TMEM178B: variants seen among roughly 807,000 people sequenced by gnomAD.
TMEM178B encodes the protein transmembrane protein 178B.
Under a neutral mutation model 31.0 loss-of-function variants are expected in TMEM178B, and 5 were observed. The observed-to-expected ratio is 0.16, with a 90% CI of 0.08 to 0.34. TMEM178B has a LOEUF of 0.34. Ranked by LOEUF, TMEM178B falls within the 10% of genes least tolerant of loss-of-function variation. The pLI is 1.00. For synonymous variants in TMEM178B, 164 were observed against 164.0 expected (o/e 1.00, Z 0.00); for missense variants, 275 against 400.3 (o/e 0.69, Z 2.67).
At chr7:141,243,400 C>T (rs1344226357) in intron 2 of TMEM178B, among the ~76,000 whole-genome samples, 1 of 152,062 alleles carries the variant, frequency 6.6e-6, no homozygotes, top group Non-Finnish European at 1.5e-5. Flanking sequence ...GTCAGCTCTG[C>T]TCTATGGGGT....
chr7:141,499,862 T>C, the TMEM178B span, among the ~76,000 whole-genome samples: 1 of 152,208 alleles, frequency 6.6e-6, no homozygotes, highest in African/African-American at 2.4e-5. Context: ...TTGGCAGAAA[T>C]CCACATGCAA....
At chr7:141,122,827 C>G (rs895145817) in intron 1 of TMEM178B, among the ~76,000 whole-genome samples, 2 of 152,154 alleles carry the variant, frequency 1.3e-5, no homozygotes, top group Non-Finnish European at 2.9e-5. Context: ...ACCATAATAG[C>G]TTGTTTGTTT....
Position 141,171,385 on chromosome 7 carries a change from A to T in TMEM178B, c.383-41206A>T, listed in dbSNP as rs144260616. Among the ~76,000 whole-genome samples, 3 of 152,350 alleles carry T rather than the reference A, an allele frequency of 2.0e-5. No homozygotes were observed. In the East Asian group the frequency reaches 5.8e-4, roughly 29 times the overall value. On this transcript the variant is annotated intron_variant, in intron 1 of 3. Transcript: ENST00000565468. This position sits in a 1 kb window ranked among gnomAD's most constrained non-coding sequence, Gnocchi z 4.3. ...ACTTTGTTTATATAACAATGCTATG[A>T]TGTAGGTACTTCTGTGAAATCGTTT...
At chr7:141,489,312 A>G in the TMEM178B span, among the ~76,000 whole-genome samples, 1 of 152,162 alleles carries the variant, frequency 6.6e-6, no homozygotes, top group African/African-American at 2.4e-5. Flanking sequence ...CTTGCCTTCA[A>G]GTGCATAACA....
At chr7:141,139,925 C>T (rs1211089844) in intron 1 of TMEM178B, among the ~76,000 whole-genome samples, 9 of 152,018 alleles carry the variant, frequency 5.9e-5, no homozygotes, top group African/African-American at 1.9e-4. Context: ...ACCACCACAC[C>T]CAGCTAATTT....
intron 2 of TMEM178B, among the ~76,000 whole-genome samples, chr7:141,347,960 C>G (rs987215899): frequency 6.6e-6 from 1 of 152,190 alleles, no homozygotes; most frequent in Non-Finnish European, 1.5e-5. Context: ...TAGAACCTTT[C>G]AAAACTTAAT....
chr7:141,434,139 A>G (rs1330853396), intron 2 of TMEM178B, among the ~76,000 whole-genome samples: 1 of 152,152 alleles, frequency 6.6e-6, no homozygotes, highest in East Asian at 1.9e-4. Flanking sequence ...TCATTCTCCA[A>G]CAACTCTCAC....
chr7:141,158,323 T>C (rs1796109384), intron 1 of TMEM178B, among the ~76,000 whole-genome samples: 2 of 152,298 alleles, frequency 1.3e-5, no homozygotes, highest in East Asian at 3.9e-4. Context: ...CTCGAACTCC[T>C]GACCTCAAGT....
intron 2 of TMEM178B, among the ~76,000 whole-genome samples, chr7:141,336,165 G>A (rs533306208): frequency 1.3e-5 from 2 of 152,180 alleles, no homozygotes; most frequent in East Asian, 1.9e-4. Flanking sequence ...TGGGCTACAC[G>A]ACTTTATTTG....
intron 1 of TMEM178B, among the ~76,000 whole-genome samples, chr7:141,181,045 G>A (rs1270283033): frequency 6.6e-6 from 1 of 152,060 alleles, no homozygotes; most frequent in Non-Finnish European, 1.5e-5. Flanking sequence ...TTCCTCATGT[G>A]CCAAGTATGA....
the TMEM178B span, among the ~76,000 whole-genome samples, chr7:141,505,865 C>G: frequency 2.6e-5 from 4 of 152,244 alleles, no homozygotes; most frequent in African/African-American, 9.6e-5. Context: ...TGAGATGGCC[C>G]TCAAGAGCTT....
At chr7:141,223,479 CTTTTT>C (rs10680431) in intron 2 of TMEM178B, among the ~76,000 whole-genome samples, 1 of 131,156 alleles carries the variant, frequency 7.6e-6, no homozygotes, top group Non-Finnish European at 1.6e-5. Flanking sequence ...TGTTTTCACT[CTTTTT>C]TTTTTTTTTT....
At chr7:141,216,117 C>T (rs1797140027) in intron 2 of TMEM178B, among the ~76,000 whole-genome samples, 1 of 152,026 alleles carries the variant, frequency 6.6e-6, no homozygotes, top group Non-Finnish European at 1.5e-5. Context: ...AGGTGTGAGC[C>T]ACTGTCCCTG....
At chr7:141,191,427 C>T (rs1386591002) in intron 1 of TMEM178B, among the ~76,000 whole-genome samples, 1 of 152,122 alleles carries the variant, frequency 6.6e-6, no homozygotes, top group Non-Finnish European at 1.5e-5. Context: ...GATGGATTGC[C>T]CTCTAGAGAG....
At chr7:141,228,863 A>C (rs1797388569) in intron 2 of TMEM178B, among the ~76,000 whole-genome samples, 1 of 152,162 alleles carries the variant, frequency 6.6e-6, no homozygotes, top group Non-Finnish European at 1.5e-5. Context: ...CTCATCATTA[A>C]GTATTTATAG....
rs112072602 is a variant in TMEM178B, at chr7:141,085,245, C to G, written c.382+10553C>G. ...TTCCTGATCTCAGGTGATCCACCAG[C>G]CTCAGCCTCCCAAAGTGCTGGGATT... On this transcript the variant is annotated intron_variant, in intron 1 of 3. Transcript: ENST00000565468. Among the ~76,000 whole-genome samples the G allele has an allele frequency of 5.9e-3, 897 of 150,954 alleles. 4 individuals carry two copies. The highest frequency in any genetic ancestry group is 0.01 in the Middle Eastern group (3 of 292).
At chr7:141,122,154 G>T (rs1298561539) in intron 1 of TMEM178B, among the ~76,000 whole-genome samples, 2 of 152,076 alleles carry the variant, frequency 1.3e-5, no homozygotes, top group Non-Finnish European at 2.9e-5. Context: ...TATATTCAAG[G>T]TCTTCTATTT....
chr7:141,491,765 T>C, the TMEM178B span, among the ~76,000 whole-genome samples: 1 of 152,222 alleles, frequency 6.6e-6, no homozygotes, highest in Admixed American at 6.5e-5. Context: ...TTTTATTGTA[T>C]ATCGGTTTTT....
rs796828836 is a variant in TMEM178B at position 141,479,913 on chromosome 7, GAT to G, written c.*9129_*9130del. On this transcript the variant is annotated 3_prime_UTR_variant, in exon 4 of 4. Transcript: ENST00000565468. ...CCTGTGGTTATTGGTGCTAAAATAA[GAT>G]AAAATATTATGTTAATTTGTTCTGA... is the stretch of plus-strand genomic sequence containing the variant. 17 of 152,310 alleles carry G rather than the reference GAT, an allele frequency of 1.1e-4. 1 individual carries two copies. Among genetic ancestry groups the G allele is most frequent in the African/African-American group, 3.6e-4 (15 of 41,550 alleles). 9.4% of individuals were successfully genotyped at this position (152,310 alleles called of 1,614,324 possible).
Sources: allele counts gnomAD v4.1 joint callset (sites outside exome capture counted in the v4.1 genomes callset), GRCh38; gene constraint gnomAD v4.1.1; non-coding constraint Gnocchi (gnomAD v3.1); transcripts MANE v1.5; gene names NCBI Gene and HGNC (gene_info 2026-07-23, HGNC 2026-07-21).